The following SRGAP3 variants were observed in gnomAD, a reference collection of about 807,000 sequenced individuals.
SRGAP3 encodes SLIT-ROBO Rho GTPase activating protein 3.
A neutral mutation model predicts 121.1 loss-of-function variants in SRGAP3; 39 were observed. That is an observed-to-expected ratio of 0.32 (90% CI 0.25 to 0.42). The LOEUF is 0.42. Among genes scored for constraint, SRGAP3 ranks in the 10% least tolerant of loss-of-function variants. The pLI is 1.00. For synonymous variants in SRGAP3, 601 were observed against 570.0 expected (o/e 1.05, Z -0.77); for missense variants, 1,213 against 1,470.6 (o/e 0.82, Z 2.86).
At chr3:9,140,774 G>A (rs1311870818) in intron 1 of SRGAP3, among the ~76,000 whole-genome samples, 1 of 152,228 alleles carries the variant, frequency 6.6e-6, no homozygotes, top group African/African-American at 2.4e-5. Context: ...TAATCACTGT[G>A]TTTTTCTATA....
At chr3:9,078,152 T>C (rs1459913077) in intron 4 of SRGAP3, among the ~76,000 whole-genome samples, 3 of 151,910 alleles carry the variant, frequency 2.0e-5, no homozygotes, top group Non-Finnish European at 1.5e-5. Flanking sequence ...ACAGCAGGGA[T>C]TGCAGGGAAA....
At chr3:9,221,355 A>G (rs1391493911) in intron 1 of SRGAP3, among the ~76,000 whole-genome samples, 1 of 151,960 alleles carries the variant, frequency 6.6e-6, no homozygotes, top group Non-Finnish European at 1.5e-5. Flanking sequence ...GCAGAGCACG[A>G]CCCTGTTTCT....
chr3:9,217,560 A>T (rs899072853), intron 1 of SRGAP3: 3 of 152,278 alleles, frequency 2.0e-5, no homozygotes, highest in African/African-American at 7.2e-5. Context: ...CAGGGAGAAG[A>T]ACTACCTCAA....
At chr3:9,016,087 T>C (rs1943624084) in intron 14 of SRGAP3, 1 of 309,892 alleles carries the variant, frequency 3.2e-6, no homozygotes, top group Non-Finnish European at 6.2e-6. Context: ...GCTAACTACT[T>C]CAACACACTT....
intron 9 of SRGAP3, among the ~76,000 whole-genome samples, chr3:9,050,886 T>C (rs576063056): frequency 6.6e-6 from 1 of 152,222 alleles, no homozygotes; most frequent in Non-Finnish European, 1.5e-5. Context: ...GGAGAAAATG[T>C]AGTGTGTATC....
intron 3 of SRGAP3, among the ~76,000 whole-genome samples, chr3:9,264,562 T>C (rs938471489): frequency 2.6e-5 from 4 of 152,146 alleles, no homozygotes; most frequent in Non-Finnish European, 4.4e-5. Context: ...TCACAAGCAT[T>C]CCTATACACC....
chr3:9,025,810 A>C (rs532058621), intron 13 of SRGAP3, among the ~76,000 whole-genome samples: 1 of 152,336 alleles, frequency 6.6e-6, no homozygotes, highest in East Asian at 1.9e-4. Flanking sequence ...AACTGAAGGA[A>C]TTAAAAGGTC....
upstream of SRGAP3, among the ~76,000 whole-genome samples, chr3:9,249,840 C>T (rs1953960442): frequency 6.6e-6 from 1 of 152,230 alleles, no homozygotes; most frequent in South Asian, 2.1e-4. Flanking sequence ...TGAGAGGCTT[C>T]TGCAAACTCC....
chr3:9,333,035 C>T (rs1325996874), intron 1 of SRGAP3, among the ~76,000 whole-genome samples: 4 of 152,160 alleles, frequency 2.6e-5, no homozygotes, highest in Non-Finnish European at 5.9e-5. Flanking sequence ...GGAAAAAATA[C>T]GCTAGCTTCT....
At chr3:9,164,093 G>A (rs994819386) in intron 1 of SRGAP3, among the ~76,000 whole-genome samples, 2 of 147,128 alleles carry the variant, frequency 1.4e-5, no homozygotes, top group South Asian at 2.2e-4. Context: ...CGCCTCCCAG[G>A]TTCAAGCAAT....
Position 8,984,206 on chromosome 3 carries a change from G to A in SRGAP3, c.*1313C>T, listed in dbSNP as rs1941563627. On this transcript the variant is annotated 3_prime_UTR_variant, in exon 22 of 22. Coordinates refer to ENST00000383836, the MANE Select transcript of SRGAP3 (RefSeq NM_014850.4). ...GTGGGTGAAGGGGGAGGGAAGGGAAGCTATGTCACTTGTATTAACTCAACT... is the reference window on the plus strand; with the variant it reads ...GTGGGTGAAGGGGGAGGGAAGGGAAACTATGTCACTTGTATTAACTCAACT... 1 of 230,498 alleles carries A rather than the reference G, an allele frequency of 4.3e-6. No homozygotes were observed. The highest frequency in any genetic ancestry group is 8.6e-6 in the Non-Finnish European group (1 of 116,404). 14.3% of individuals were successfully genotyped at this position (230,498 alleles called of 1,614,324 possible).
At chr3:9,074,249 T>C (rs996351314) in intron 4 of SRGAP3, among the ~76,000 whole-genome samples, 1 of 152,198 alleles carries the variant, frequency 6.6e-6, no homozygotes, top group Non-Finnish European at 1.5e-5. Context: ...AAAATATTTA[T>C]GCCTCATTCT....
chr3:9,119,704 G>A (rs1023260785), intron 2 of SRGAP3, among the ~76,000 whole-genome samples: 1 of 152,240 alleles, frequency 6.6e-6, no homozygotes. Flanking sequence ...TAAGAGGACT[G>A]CAGCTGCTGT....
chr3:9,341,024 C>T (rs1207701717), intron 1 of SRGAP3, among the ~76,000 whole-genome samples: 3 of 152,198 alleles, frequency 2.0e-5, no homozygotes, highest in Non-Finnish European at 2.9e-5. Flanking sequence ...CTTCCTGTCT[C>T]GCAGAAAGTG....
At chr3:9,211,665 CTT>C (rs1193329370) in intron 1 of SRGAP3, among the ~76,000 whole-genome samples, 19,926 of 121,122 alleles carry the variant, frequency 0.16, 1,409 homozygotes, top group East Asian at 0.44. Flanking sequence ...TCTTTCTTTT[CTT>C]TTTTTTTTTT....
Position 9,109,362 on chromosome 3 carries a change from G to A in SRGAP3, c.261-4520C>T, listed in dbSNP as rs1247828073. On this transcript the variant is annotated intron_variant, in intron 2 of 21. Coordinates refer to ENST00000383836, the MANE Select transcript of SRGAP3 (RefSeq NM_014850.4). The surrounding 1 kb of genome is among the most constrained non-coding windows in gnomAD (Gnocchi z 4.4). ...TGAGAGGAAGGGCAGAGAGCACAGCGCTGTCCTTATCAGAAGCTGCAAGCC... is the reference window on the plus strand; with the variant it reads ...TGAGAGGAAGGGCAGAGAGCACAGCACTGTCCTTATCAGAAGCTGCAAGCC... Among the ~76,000 whole-genome samples the A allele has an allele frequency of 1.3e-5, 2 of 152,302 alleles. No individual in the cohort carries two copies. The highest frequency in any genetic ancestry group is 1.9e-4 in the East Asian group (1 of 5,186).
At chr3:9,011,676 G>A (rs1449389232) in intron 17 of SRGAP3, among the ~76,000 whole-genome samples, 3 of 151,046 alleles carry the variant, frequency 2.0e-5, no homozygotes, top group Non-Finnish European at 4.4e-5. Context: ...CAGAGCTCCT[G>A]CACCAGGGGT....
rs115891269 is a variant in SRGAP3 at position 9,199,498 on chromosome 3, C to T, written c.67+49387G>A. 8.7e-3 allele frequency among the ~76,000 whole-genome samples: 1,318 copies of T among 152,276 alleles called. 7 individuals carry two copies. Among genetic ancestry groups the T allele is most frequent in the Non-Finnish European group, 0.014 (954 of 68,032 alleles). On this transcript the variant is annotated intron_variant, in intron 1 of 21. Coordinates refer to ENST00000383836, the MANE Select transcript of SRGAP3 (RefSeq NM_014850.4). ...TTTCTTTGTTCACTTTATATGACTG[C>T]TGTGACAATACTTTCCATGTGGCTC...
chr3:8,985,629 C>A lies in SRGAP3; in HGVS notation c.3190G>T (p.Val1064Phe), dbSNP rs745599938. The change falls in exon 22 of 22, where the codon GTC becomes TTC. Residue 1064 changes from valine (V) to phenylalanine (F), a missense_variant. Transcript: ENST00000383836. The surrounding 1 kb of genome is among the most constrained non-coding windows in gnomAD (Gnocchi z 5.1). ...CTGCTGCTGCTGGACCGGTGCTGGA[C>A]CACCGGCCGCACGGGCCGCATGGGG... ...PPPMRPVRPVVQHRSSSSSSS... is the reference protein window; with the variant it reads ...PPPMRPVRPVFQHRSSSSSSS... 7 of 1,595,076 alleles carry A rather than the reference C, an allele frequency of 4.4e-6. No individual in the cohort carries two copies. The highest frequency in any genetic ancestry group is 5.9e-6 in the Non-Finnish European group (7 of 1,177,694).
Sources: allele counts gnomAD v4.1 joint callset (sites outside exome capture counted in the v4.1 genomes callset), GRCh38; gene constraint gnomAD v4.1.1; non-coding constraint Gnocchi (gnomAD v3.1); transcripts MANE v1.5; gene names NCBI Gene and HGNC (gene_info 2026-07-23, HGNC 2026-07-21).